AR: variants seen among roughly 807,000 people sequenced by gnomAD.
AR encodes dihydrotestosterone receptor.
A neutral mutation model predicts 53.9 loss-of-function variants in AR; 8 were observed. That is an observed-to-expected ratio of 0.15 (90% CI 0.09 to 0.27). The LOEUF is 0.27. AR is among the 10% of genes least tolerant of loss of function. The pLI, the probability that AR is intolerant of heterozygous loss-of-function variation, is 1.00. For synonymous variants in AR, 359 were observed against 316.4 expected (o/e 1.13, Z -1.43); for missense variants, 639 against 742.5 (o/e 0.86, Z 1.62).
intron 1 of AR, among the ~76,000 whole-genome samples, chrX:67,603,151 A>G (rs1014516297): frequency 8.9e-6 from 1 of 111,963 alleles, no homozygotes; most frequent in African/African-American, 3.2e-5. Context: ...ATGCAATTTT[A>G]GGATACAGAG....
intron 2 of AR, among the ~76,000 whole-genome samples, chrX:67,667,950 T>C: frequency 8.9e-6 from 1 of 112,036 alleles, no homozygotes; most frequent in Non-Finnish European, 1.9e-5. Flanking sequence ...TTATCAGTTC[T>C]AATAGGCTTT....
rs1371750825 is a variant in AR at position 67,724,263 on chromosome X, C to T, written c.*422C>T. 7.4e-6 allele frequency: 1 copy of T among 135,858 alleles called. No individual in the cohort carries two copies. Among genetic ancestry groups the T allele is most frequent in the East Asian group, 9.6e-5 (1 of 10,379 alleles). 11.2% of individuals were successfully genotyped at this position (135,858 alleles called of 1,213,427 possible). A position where few individuals can be genotyped will look rare whatever the true frequency, so the allele number is the denominator to read the frequency against. ...CTAAGATTATCTGGGGAAATCAAAACAAAAACAAGCAAACAAAAAAAAAAA... is the reference window on the plus strand; with the variant it reads ...CTAAGATTATCTGGGGAAATCAAAATAAAAACAAGCAAACAAAAAAAAAAA... On this transcript the variant is annotated 3_prime_UTR_variant, in exon 8 of 8. Coordinates refer to ENST00000374690, the MANE Select transcript of AR (RefSeq NM_000044.6).
At chrX:67,649,486 C>A (rs1354594639) in intron 2 of AR, among the ~76,000 whole-genome samples, 1 of 112,055 alleles carries the variant, frequency 8.9e-6, no homozygotes, top group Non-Finnish European at 1.9e-5. Flanking sequence ...TTTACACCCC[C>A]ACCAACAATG....
At chrX:67,639,999 A>G (rs577523688) in intron 1 of AR, among the ~76,000 whole-genome samples, 1 of 111,337 alleles carries the variant, frequency 9.0e-6, no homozygotes. Context: ...TTCCATCAAT[A>G]CCTAGTTTAT....
In AR at chrX:67,591,325, G is replaced by GA. The variant is rs758838404; in HGVS notation, c.1616+44570dup. Among the ~76,000 whole-genome samples the GA allele has an allele frequency of 3.3e-3, 356 of 108,208 alleles. 2 individuals carry two copies. The highest frequency in any genetic ancestry group is 0.014 in the Middle Eastern group (3 of 208). 94.0% of individuals were successfully genotyped at this position (108,208 alleles called of 115,157 possible). ...AGAATATATATCGCTGTAAGGTTGAGAAAAAAAGAAGTGAAAAAAAAAGAA... is the reference window on the plus strand; with the variant it reads ...AGAATATATATCGCTGTAAGGTTGAGAAAAAAAAGAAGTGAAAAAAAAAGAA... On this transcript the variant is annotated intron_variant, in intron 1 of 7. Coordinates refer to ENST00000374690, the MANE Select transcript of AR (RefSeq NM_000044.6).
Position 67,546,508 on chromosome X carries a change from G to GGGT in AR, c.1368_1370dup (p.Gly473dup), listed in dbSNP as rs746958859. On this transcript the variant is annotated inframe_insertion, in exon 1 of 8. Transcript: ENST00000374690. The stretch of plus-strand genomic sequence containing the variant: ...TGTATGGACCGTGTGGTGGTGGTGG[G>GGGT]GGTGGTGGCGGCGGCGGCGGCGGCG... 910 of 965,409 alleles carry GGGT rather than the reference G, an allele frequency of 9.4e-4. 4 individuals carry two copies. Among genetic ancestry groups the GGGT allele is most frequent in the Middle Eastern group, 1.2e-3 (3 of 2,443 alleles). The allele number at this position is 965,409 out of a possible 1,213,427, so 79.6% of individuals were successfully genotyped here.
intron 3 of AR, among the ~76,000 whole-genome samples, chrX:67,698,295 T>C (rs1347565743): frequency 8.9e-6 from 1 of 112,203 alleles, no homozygotes; most frequent in Non-Finnish European, 1.9e-5. Flanking sequence ...CTAATCCTAG[T>C]AGATGGAAAG....
chrX:67,696,661 C>G (rs756282643), intron 3 of AR, among the ~76,000 whole-genome samples: 9 of 111,420 alleles, frequency 8.1e-5, no homozygotes, highest in Admixed American at 2.9e-4. Context: ...AATCAAGGAG[C>G]CTTCTTGCCT....
chrX:67,683,767 G>T (rs1317109535), intron 2 of AR, among the ~76,000 whole-genome samples: 1 of 111,613 alleles, frequency 9.0e-6, no homozygotes, highest in African/African-American at 3.3e-5. Context: ...ACTTACTCCT[G>T]AGTAAATTGT....
intron 1 of AR, among the ~76,000 whole-genome samples, chrX:67,607,470 G>T (rs1923685317): frequency 9.0e-6 from 1 of 111,615 alleles, no homozygotes; most frequent in Non-Finnish European, 1.9e-5. Flanking sequence ...CTATAAAATG[G>T]GAAGTTGAAA....
intron 1 of AR, among the ~76,000 whole-genome samples, chrX:67,554,446 C>A (rs1392192920): frequency 9.0e-6 from 1 of 111,613 alleles, no homozygotes. Context: ...TACTCCATAG[C>A]CATGAAGCAA....
At chrX:67,704,762 G>A (rs2076058072) in intron 3 of AR, among the ~76,000 whole-genome samples, 2 of 111,917 alleles carry the variant, frequency 1.8e-5, no homozygotes, top group Admixed American at 1.9e-4. Flanking sequence ...TTTTCTTCTA[G>A]GGTTTTATGG....
intron 1 of AR, among the ~76,000 whole-genome samples, chrX:67,582,237 G>A (rs1389074090): frequency 9.0e-6 from 1 of 111,568 alleles, no homozygotes; most frequent in Non-Finnish European, 1.9e-5. Flanking sequence ...TTAGAAGAAA[G>A]GTTTGATATA....
At chrX:67,548,291 A>G (rs758260421) in intron 1 of AR, among the ~76,000 whole-genome samples, 38 of 111,789 alleles carry the variant, frequency 3.4e-4, no homozygotes, top group Non-Finnish European at 6.2e-4. Context: ...CAGGCTTTAC[A>G]TTCCATTAGG....
At chrX:67,588,817 T>C (rs1368535699) in intron 1 of AR, among the ~76,000 whole-genome samples, 1 of 112,126 alleles carries the variant, frequency 8.9e-6, no homozygotes, top group Non-Finnish European at 1.9e-5. Context: ...GGTGGACAGT[T>C]TGTCATTTTA....
At chrX:67,674,077 T>C (rs1056663095) in intron 2 of AR, among the ~76,000 whole-genome samples, 1 of 110,564 alleles carries the variant, frequency 9.0e-6, no homozygotes, top group African/African-American at 3.3e-5. Context: ...CTGCATGCTC[T>C]TGGGTAAGAG....
rs1458794680 is a variant in AR, at chrX:67,728,178, T to G, written c.*4337T>G. ...GACTGACTTATAAGAGCTTTGTGGGTTTTTTTTTCCCTAATAATATACATG... is the reference window on the plus strand; with the variant it reads ...GACTGACTTATAAGAGCTTTGTGGGGTTTTTTTTCCCTAATAATATACATG... On this transcript the variant is annotated 3_prime_UTR_variant, in exon 8 of 8. Transcript: ENST00000374690. 27 of 68,768 alleles carry G rather than the reference T, an allele frequency of 3.9e-4. No homozygotes were observed. The highest frequency in any genetic ancestry group is 2.2e-3 in the African/African-American group (25 of 11,571). The allele number at this position is 68,768 out of a possible 1,213,427, so 5.7% of individuals were successfully genotyped here.
intron 3 of AR, among the ~76,000 whole-genome samples, chrX:67,708,175 G>A (rs1318150019): frequency 9.0e-6 from 1 of 111,500 alleles, no homozygotes; most frequent in East Asian, 2.8e-4. Flanking sequence ...TTTCCTGAAT[G>A]TGAATGTTGG....
At chrX:67,551,001 G>GGTTT (rs1362705586) in intron 1 of AR, among the ~76,000 whole-genome samples, 1 of 76,634 alleles carries the variant, frequency 1.3e-5, no homozygotes, top group African/African-American at 6.1e-5. Context: ...GAATAGCTGG[G>GGTTT]TTTTTTTTTT....
Sources: gnomAD v4.1 joint callset for allele counts (sites outside exome capture counted in the v4.1 genomes callset) on GRCh38, gnomAD v4.1.1 for gene constraint, MANE v1.5 for transcripts, NCBI Gene and HGNC (gene_info 2026-07-23, HGNC 2026-07-21) for gene names.